RIMS2: variants seen among roughly 807,000 people sequenced by gnomAD.
RIMS2 encodes the protein regulating synaptic membrane exocytosis protein 2.
RIMS2 carries 59 observed loss-of-function variants against 174.4 expected under a neutral mutation model. The ratio of observed to expected loss-of-function variants is 0.34; its 90% confidence interval spans 0.27 to 0.42. RIMS2 has a LOEUF of 0.42. Ranked by LOEUF, RIMS2 falls within the 10% of genes least tolerant of loss-of-function variation. The pLI is 1.00. For missense variants in RIMS2, 1,620 were observed against 1,666.3 expected, an observed-to-expected ratio of 0.97 and a Z score of 0.48; for synonymous variants, 606 against 572.5, an observed-to-expected ratio of 1.06 and a Z score of -0.84.
chr8:104,021,526 A>G (rs2154554997), intron 19 of RIMS2, among the ~76,000 whole-genome samples: 1 of 152,336 alleles, frequency 6.6e-6, no homozygotes, highest in Non-Finnish European at 1.5e-5. Flanking sequence ...TTTTGAGAAC[A>G]TTTAATGCCA....
intron 2 of RIMS2, among the ~76,000 whole-genome samples, chr8:103,733,002 G>A (rs1176679): frequency 0.34 from 51,878 of 151,870 alleles, 9,686 homozygotes; most frequent in East Asian, 0.77. Context: ...TGCAGCAGGA[G>A]TCTATTAACC....
intron 19 of RIMS2, among the ~76,000 whole-genome samples, chr8:104,110,386 A>G (rs2098159482): frequency 6.6e-6 from 1 of 152,284 alleles, no homozygotes; most frequent in South Asian, 2.1e-4. Context: ...GAAAATCTAT[A>G]ATTTCTTGCT....
intron 1 of RIMS2, among the ~76,000 whole-genome samples, chr8:103,672,535 T>C (rs910772224): frequency 6.6e-6 from 1 of 151,730 alleles, no homozygotes; most frequent in African/African-American, 2.4e-5. Flanking sequence ...TGTAGGAGCA[T>C]GGCTAGAACA....
chr8:103,919,221 A>G (rs1236856469), intron 9 of RIMS2, among the ~76,000 whole-genome samples: 1 of 152,164 alleles, frequency 6.6e-6, no homozygotes, highest in Non-Finnish European at 1.5e-5. Context: ...AGAAGGAAGG[A>G]TTGAAGGAAA....
In RIMS2 at chr8:103,940,042, G is replaced by T. The variant is rs147763975; in HGVS notation, c.2548-2731G>T. Among the ~76,000 whole-genome samples the T allele has an allele frequency of 8.7e-3, 1,323 of 152,210 alleles. 20 individuals are homozygous for T. The highest frequency in any genetic ancestry group is 0.03 in the African/African-American group (1,247 of 41,520). On this transcript the variant is annotated intron_variant, in intron 13 of 23. Coordinates refer to ENST00000504942, the Ensembl canonical transcript of RIMS2. Reference sequence around the variant, plus strand: ...TCCTGTCTTCTGAGCCCTCCAAACTGTTCCAACCCCTGCCCATTACCCAGT... The same window carrying T: ...TCCTGTCTTCTGAGCCCTCCAAACTTTTCCAACCCCTGCCCATTACCCAGT...
At chr8:103,764,161 A>ATTT (rs1368307733) in intron 2 of RIMS2, among the ~76,000 whole-genome samples, 4 of 152,152 alleles carry the variant, frequency 2.6e-5, no homozygotes, top group African/African-American at 9.7e-5. Flanking sequence ...ACCTTGTGAA[A>ATTT]AATTTTATTT....
chr8:103,833,293 A>G (rs1049931999), intron 3 of RIMS2, among the ~76,000 whole-genome samples: 16 of 152,198 alleles, frequency 1.1e-4, no homozygotes, highest in Non-Finnish European at 1.9e-4. Context: ...TCAAAAATTT[A>G]TCTTTATCTT....
intron 1 of RIMS2, among the ~76,000 whole-genome samples, chr8:103,550,394 T>C (rs1847189325): frequency 6.6e-6 from 1 of 152,182 alleles, no homozygotes; most frequent in African/African-American, 2.4e-5. Context: ...AATAAAGATG[T>C]TTCTTGAAAC....
chr8:103,619,836 A>G (rs2095594550), intron 1 of RIMS2, among the ~76,000 whole-genome samples: 1 of 152,134 alleles, frequency 6.6e-6, no homozygotes, highest in African/African-American at 2.4e-5. Flanking sequence ...CAGTTCCTAG[A>G]AAAGGCTATG....
chr8:104,107,592 C>T (rs1374514140), intron 19 of RIMS2, among the ~76,000 whole-genome samples: 3 of 152,204 alleles, frequency 2.0e-5, no homozygotes, highest in Non-Finnish European at 4.4e-5. Context: ...CAACATAGTA[C>T]TTCTAACATA....
chr8:103,814,888 C>T (rs1226977270), intron 3 of RIMS2, among the ~76,000 whole-genome samples: 1 of 152,040 alleles, frequency 6.6e-6, no homozygotes, highest in Non-Finnish European at 1.5e-5. Context: ...GGGGAGAAAC[C>T]ATTGCTAATG....
chr8:104,161,664 G>A (rs1268305845), intron 19 of RIMS2, among the ~76,000 whole-genome samples: 3 of 152,164 alleles, frequency 2.0e-5, no homozygotes, highest in Non-Finnish European at 4.4e-5. Flanking sequence ...CATTAGCTTA[G>A]CAACTTAAAA....
intron 4 of RIMS2, among the ~76,000 whole-genome samples, chr8:103,891,189 G>A (rs10106702): frequency 1.3e-5 from 2 of 151,850 alleles, no homozygotes; most frequent in African/African-American, 2.4e-5. Context: ...CTAGAATAGA[G>A]TAGAAAACAT....
At chr8:103,617,091 C>G (rs1257360002) in intron 1 of RIMS2, among the ~76,000 whole-genome samples, 1 of 152,110 alleles carries the variant, frequency 6.6e-6, no homozygotes, top group African/African-American at 2.4e-5. Flanking sequence ...ACAAAGCTGG[C>G]AGCATCACGT....
At chr8:103,891,236 G>A (rs757082726) in intron 4 of RIMS2, among the ~76,000 whole-genome samples, 5 of 151,904 alleles carry the variant, frequency 3.3e-5, no homozygotes, top group Non-Finnish European at 7.4e-5. Context: ...AATTGTGTTT[G>A]GTAAATTTTT....
At chr8:104,127,278 G>A (rs929814550) in intron 19 of RIMS2, among the ~76,000 whole-genome samples, 4 of 152,146 alleles carry the variant, frequency 2.6e-5, no homozygotes, top group Admixed American at 6.5e-5. Flanking sequence ...TTTAATTTAA[G>A]TTATAATTAC....
intron 1 of RIMS2, among the ~76,000 whole-genome samples, chr8:103,661,000 T>C (rs2096593740): frequency 6.6e-6 from 1 of 152,238 alleles, no homozygotes; most frequent in African/African-American, 2.4e-5. Flanking sequence ...TTCCTCATGC[T>C]CCCTTTCAGG....
intron 2 of RIMS2, among the ~76,000 whole-genome samples, chr8:103,734,460 CT>C (rs148688078): frequency 0.25 from 33,399 of 133,492 alleles, 3,947 homozygotes; most frequent in African/African-American, 0.27. Context: ...TTGGATGGTT[CT>C]TTTTTTTTTT....
At chr8:104,222,752 C>G (rs1215536601) in intron 19 of RIMS2, among the ~76,000 whole-genome samples, 5 of 152,064 alleles carry the variant, frequency 3.3e-5, no homozygotes, top group Non-Finnish European at 7.3e-5. Context: ...GATGTTAAGC[C>G]GTACAATGTT....
Sources: allele counts gnomAD v4.1 joint callset (sites outside exome capture counted in the v4.1 genomes callset), GRCh38; gene constraint gnomAD v4.1.1; transcripts MANE v1.5; gene names NCBI Gene and HGNC (gene_info 2026-07-23, HGNC 2026-07-21).